The following TBC1D1 variants were observed in gnomAD, a reference collection of about 807,000 sequenced individuals.
TBC1D1 encodes TBC1 domain family member 1, also known as TBC1 (tre-2/USP6, BUB2, cdc16) domain family, member 1.
In TBC1D1, 89 loss-of-function variants were observed where a neutral mutation model predicts 125.6. The observed-to-expected ratio is 0.71, with a 90% CI of 0.60 to 0.85. The LOEUF is 0.85. Among genes scored for constraint, TBC1D1 ranks in the 40% least tolerant of loss-of-function variants. TBC1D1 has a pLI of 0.00. For synonymous variants in TBC1D1, 565 were observed against 564.1 expected (o/e 1.00, Z -0.02); for missense variants, 1,377 against 1,469.2 (o/e 0.94, Z 1.03).
chr4:38,082,545 C>T (rs1756753394), intron 12 of TBC1D1, among the ~76,000 whole-genome samples: 1 of 152,222 alleles, frequency 6.6e-6, no homozygotes, highest in Non-Finnish European at 1.5e-5. Flanking sequence ...TCAAAAAATA[C>T]AGCTTCCTTC....
At chr4:37,891,857 C>G (rs1016502561) in intron 1 of TBC1D1, among the ~76,000 whole-genome samples, 1 of 151,974 alleles carries the variant, frequency 6.6e-6, no homozygotes, top group African/African-American at 2.4e-5. Flanking sequence ...TTGTTTCTAG[C>G]CGCTTCCTGA....
chr4:38,114,119 A>G (rs1762587704), intron 15 of TBC1D1, among the ~76,000 whole-genome samples: 1 of 152,152 alleles, frequency 6.6e-6, no homozygotes. Flanking sequence ...TCTGGTGCCC[A>G]GGCTAAGCGC....
intron 5 of TBC1D1, 61 bp downstream of exon 5, chr4:38,020,756 T>A: frequency 1.4e-6 from 2 of 1,436,666 alleles, no homozygotes; most frequent in Middle Eastern, 1.8e-4. Context: ...TTAGCTCCAC[T>A]GATTTTTCTG....
At chr4:37,967,219 G>T (rs778903514) in intron 2 of TBC1D1, among the ~76,000 whole-genome samples, 1 of 152,176 alleles carries the variant, frequency 6.6e-6, no homozygotes, top group Non-Finnish European at 1.5e-5. Context: ...AGAGGGCCGG[G>T]CACAGTGGCT....
chr4:38,091,528 T>C lies in TBC1D1; in HGVS notation c.2236+1411T>C, dbSNP rs111509155. Among the ~76,000 whole-genome samples the C allele has an allele frequency of 3.6e-3, 555 of 152,338 alleles. 4 individuals are homozygous for C. The highest frequency in any genetic ancestry group is 0.013 in the African/African-American group (529 of 41,576). On this transcript the variant is annotated intron_variant, in intron 13 of 19. Transcript: ENST00000261439. Reference sequence around the variant, plus strand: ...CACAGCAGTTATGTTCGTGTGTATCTTGGGATTTTTGTTGAAGAGGAAAAA... The same window carrying C: ...CACAGCAGTTATGTTCGTGTGTATCCTGGGATTTTTGTTGAAGAGGAAAAA...
chr4:37,957,954 A>G (rs1729234404), intron 2 of TBC1D1, among the ~76,000 whole-genome samples: 1 of 152,216 alleles, frequency 6.6e-6, no homozygotes, highest in Admixed American at 6.5e-5. Flanking sequence ...AATTATCAGC[A>G]GCCACTTGTG....
intron 13 of TBC1D1, among the ~76,000 whole-genome samples, chr4:38,091,751 A>G (rs1758465192): frequency 6.6e-6 from 1 of 152,234 alleles, no homozygotes; most frequent in Non-Finnish European, 1.5e-5. Context: ...CTGCTGTGCA[A>G]GCAATGACCA....
chr4:38,051,028 A>G (rs62299976), intron 11 of TBC1D1, among the ~76,000 whole-genome samples: 9,911 of 152,250 alleles, frequency 0.065, 472 homozygotes, highest in Admixed American at 0.13. Context: ...CTGTCTGCAC[A>G]TTACTTCTGT....
chr4:38,114,894 G>A lies in TBC1D1; in HGVS notation c.2558-816G>A, dbSNP rs1472880834. ...TTTGAAAGTACGGAGATATGCATGT[G>A]GTATGAAGCATTTGCAGGCATAATA... On this transcript the variant is annotated intron_variant, in intron 15 of 19. Transcript: ENST00000261439. Among the ~76,000 whole-genome samples the A allele has an allele frequency of 2.6e-5, 4 of 152,152 alleles. No homozygotes were observed. In the South Asian group the frequency reaches 8.3e-4, roughly 32 times the overall value.
intron 13 of TBC1D1, among the ~76,000 whole-genome samples, chr4:38,091,180 A>C (rs955571696): frequency 1.3e-5 from 2 of 152,262 alleles, no homozygotes; most frequent in Admixed American, 6.5e-5. Flanking sequence ...TAGTGTCTAT[A>C]TCTTTTGACT....
At chr4:38,072,820 C>CT (rs1319031525) in intron 12 of TBC1D1, among the ~76,000 whole-genome samples, 7 of 152,196 alleles carry the variant, frequency 4.6e-5, no homozygotes, top group African/African-American at 1.7e-4. Flanking sequence ...TTCTGTTTCT[C>CT]TGAGTTTGAC....
At chr4:38,106,810 G>T (rs1761380589) in intron 15 of TBC1D1, among the ~76,000 whole-genome samples, 1 of 152,170 alleles carries the variant, frequency 6.6e-6, no homozygotes, top group Non-Finnish European at 1.5e-5. Flanking sequence ...CGGCGTGGCT[G>T]TGCACTCCGA....
chr4:38,026,127 A>C (rs1302909533), intron 6 of TBC1D1, among the ~76,000 whole-genome samples: 4 of 152,206 alleles, frequency 2.6e-5, no homozygotes, highest in Admixed American at 6.5e-5. Flanking sequence ...GGTGAAATGA[A>C]TAATGCACAT....
At chr4:38,064,225 C>G (rs1753280625) in intron 12 of TBC1D1, among the ~76,000 whole-genome samples, 1 of 152,156 alleles carries the variant, frequency 6.6e-6, no homozygotes, top group South Asian at 2.1e-4. Flanking sequence ...TATGGTTTAT[C>G]CTTTACCAGT....
intron 12 of TBC1D1, among the ~76,000 whole-genome samples, chr4:38,080,285 G>C (rs1436649821): frequency 7.5e-6 from 1 of 133,814 alleles, no homozygotes; most frequent in Non-Finnish European, 1.5e-5. Flanking sequence ...AATGTTGGGT[G>C]GTCTGACATC....
chr4:38,021,507 C>A, intron 5 of TBC1D1, 79 bp from the exon 6 acceptor site: 2 of 1,328,016 alleles, frequency 1.5e-6, no homozygotes, highest in Non-Finnish European at 2.0e-6. Context: ...AAATCTTTTC[C>A]AAAGATTTTC....
At chr4:37,954,359 A>C (rs1418604365) in intron 2 of TBC1D1, among the ~76,000 whole-genome samples, 1 of 150,626 alleles carries the variant, frequency 6.6e-6, no homozygotes, top group Non-Finnish European at 1.5e-5. Flanking sequence ...AAAAGGATTA[A>C]CATTACTAAT....
At chr4:37,984,740 G>A (rs1177430531) in intron 2 of TBC1D1, among the ~76,000 whole-genome samples, 1 of 151,634 alleles carries the variant, frequency 6.6e-6, no homozygotes, top group African/African-American at 2.4e-5. Context: ...CTACTTGGGA[G>A]GCTGAGGCAC....
chr4:37,894,178 G>A (rs1028159438), intron 1 of TBC1D1, among the ~76,000 whole-genome samples: 2 of 152,096 alleles, frequency 1.3e-5, no homozygotes, highest in Non-Finnish European at 2.9e-5. Flanking sequence ...TAGTAGAGGC[G>A]AGGTTTCACC....
Sources: allele counts gnomAD v4.1 joint callset (sites outside exome capture counted in the v4.1 genomes callset), GRCh38; gene constraint gnomAD v4.1.1; transcripts MANE v1.5; gene names NCBI Gene and HGNC (gene_info 2026-07-23, HGNC 2026-07-21).